The following ETFA variants were observed in gnomAD, a reference collection of about 807,000 sequenced individuals.
The protein encoded by ETFA is electron transfer flavoprotein subunit alpha, also known as electron transfer flavoprotein subunit alpha, mitochondrial.
A neutral mutation model predicts 46.2 loss-of-function variants in ETFA; 22 were observed. That is an observed-to-expected ratio of 0.48 (90% CI 0.34 to 0.68). The LOEUF (loss-of-function observed/expected upper bound fraction) is 0.68. Ranked by LOEUF, ETFA falls within the 30% of genes least tolerant of loss-of-function variation. The pLI, the probability that ETFA is intolerant of heterozygous loss-of-function variation, is 0.01. For synonymous variants in ETFA, 131 were observed against 139.9 expected, an observed-to-expected ratio of 0.94 and a Z score of 0.45; for missense variants, 345 against 401.1, an observed-to-expected ratio of 0.86 and a Z score of 1.19.
chr15:76,242,217 T>C (rs945549903), intron 9 of ETFA, among the ~76,000 whole-genome samples: 1 of 152,328 alleles, frequency 6.6e-6, no homozygotes, highest in Non-Finnish European at 1.5e-5. Context: ...ACGTAGAATT[T>C]TGGAGTTGTA....
At chr15:76,306,942 T>C (rs2039945774) in intron 1 of ETFA, among the ~76,000 whole-genome samples, 1 of 152,232 alleles carries the variant, frequency 6.6e-6, no homozygotes, top group African/African-American at 2.4e-5. Context: ...TCTTTCTTCT[T>C]TCAATAGAAA....
At chr15:76,263,383 A>G (rs2039437656) in intron 9 of ETFA, among the ~76,000 whole-genome samples, 1 of 152,236 alleles carries the variant, frequency 6.6e-6, no homozygotes, top group African/African-American at 2.4e-5. Context: ...AGAGCATGTG[A>G]AAGCGGAGGA....
chr15:76,272,984 C>T (rs1161392470), intron 9 of ETFA, among the ~76,000 whole-genome samples: 3 of 151,840 alleles, frequency 2.0e-5, no homozygotes, highest in Admixed American at 2.0e-4. Flanking sequence ...GTATTTTAAG[C>T]TTTAAATCTT....
chr15:76,283,842 A>C lies in ETFA; in HGVS notation c.665-17T>G, dbSNP rs1253129989. ...AGCCTCGACCTCATTTAAAAAGATG[A>C]AAAAAAAAAATTAGGCAAACATCAA... is the stretch of plus-strand genomic sequence containing the variant. On this transcript the variant is annotated splice_polypyrimidine_tract_variant and intron_variant, in intron 7 of 11. Coordinates refer to ENST00000557943, the MANE Select transcript of ETFA (RefSeq NM_000126.4). 1.7e-6 allele frequency: 2 copies of C among 1,180,566 alleles called. No individual in the cohort carries two copies. The highest frequency in any genetic ancestry group is 2.3e-6 in the Non-Finnish European group (2 of 857,314). The allele number at this position is 1,180,566 out of a possible 1,614,324, so 73.1% of individuals were successfully genotyped here.
intron 6 of ETFA, 137 bp downstream of exon 6, chr15:76,286,234 G>A (rs2039703410): frequency 1.6e-6 from 1 of 606,404 alleles, no homozygotes; most frequent in South Asian, 2.2e-5. Context: ...TTTTGTATAA[G>A]CTTGGGAATA....
chr15:76,242,066 A>G (rs2039197803), intron 9 of ETFA, among the ~76,000 whole-genome samples: 1 of 151,914 alleles, frequency 6.6e-6, no homozygotes. Context: ...CGATCTCTTG[A>G]CCTCGGGATC....
chr15:76,259,561 C>A lies in ETFA; in HGVS notation c.816+14851G>T, dbSNP rs2039381504. 11 of 1,054,888 alleles carry A rather than the reference C, an allele frequency of 1.0e-5. 1 individual carries two copies. In the South Asian group the frequency reaches 1.3e-4, roughly 12 times the overall value. The allele number at this position is 1,054,888 out of a possible 1,614,324, so 65.3% of individuals were successfully genotyped here. ...GTCATGATCTCCCACATGGTCACCC[C>A]GAAGGCCCACACATCACTGTGCACA... On this transcript the variant is annotated intron_variant, in intron 9 of 11. Transcript: ENST00000557943.
intron 10 of ETFA, among the ~76,000 whole-genome samples, chr15:76,226,962 A>G (rs1385657671): frequency 1.3e-5 from 2 of 152,206 alleles, no homozygotes; most frequent in Non-Finnish European, 2.9e-5. Context: ...ATGAAAGCTA[A>G]AGTATCTTGT....
intron 7 of ETFA, chr15:76,284,737 C>T (rs1010827580): frequency 3.5e-5 from 7 of 200,572 alleles, no homozygotes; most frequent in African/African-American, 1.7e-4. Flanking sequence ...GGTGATCCAC[C>T]CGCCTCGGCT....
At chr15:76,278,054 A>G (rs1339030763) in intron 8 of ETFA, among the ~76,000 whole-genome samples, 1 of 152,218 alleles carries the variant, frequency 6.6e-6, no homozygotes, top group Non-Finnish European at 1.5e-5. Context: ...TTGTTAGGAC[A>G]GAATAGTGAC....
At chr15:76,221,001 T>G (rs1315166837) in intron 11 of ETFA, among the ~76,000 whole-genome samples, 1 of 152,114 alleles carries the variant, frequency 6.6e-6, no homozygotes, top group Admixed American at 6.6e-5. Flanking sequence ...AATGAAAACA[T>G]AGGTCTGCAC....
chr15:76,272,369 T>C (rs1344526917), intron 9 of ETFA, among the ~76,000 whole-genome samples: 1 of 151,954 alleles, frequency 6.6e-6, no homozygotes, highest in Non-Finnish European at 1.5e-5. Context: ...TACAGGCACA[T>C]GCCACCACAC....
In ETFA at chr15:76,298,045, A is replaced by AT. The variant is rs776554589; in HGVS notation, c.40-2309dup. 7.5e-3 allele frequency among the ~76,000 whole-genome samples: 1,044 copies of AT among 138,744 alleles called. 3 individuals are homozygous for AT. The highest frequency in any genetic ancestry group is 0.011 in the Middle Eastern group (3 of 272). The allele number at this position is 138,744 out of a possible 152,430, so 91.0% of individuals were successfully genotyped here. On this transcript the variant is annotated intron_variant, in intron 1 of 11. Transcript: ENST00000557943. ...TTTAGGAGGATGAATCAGATTAGAGATTTTTTTTTTTTTTTGAGAGAGAGT... is the reference window on the plus strand; with the variant it reads ...TTTAGGAGGATGAATCAGATTAGAGATTTTTTTTTTTTTTTTGAGAGAGAGT...
At chr15:76,289,123 G>A (rs547176912) in intron 4 of ETFA, among the ~76,000 whole-genome samples, 218 of 151,936 alleles carry the variant, frequency 1.4e-3, no homozygotes, top group African/African-American at 4.8e-3. Flanking sequence ...CTGTAGAAGC[G>A]GGGTCTTGCG....
intron 2 of ETFA, among the ~76,000 whole-genome samples, chr15:76,294,738 A>G (rs758909619): frequency 4.6e-5 from 7 of 152,116 alleles, no homozygotes; most frequent in Non-Finnish European, 1.0e-4. Flanking sequence ...TAGTAGAGAC[A>G]GGATTTCACC....
chr15:76,269,510 T>C (rs1202680563), intron 9 of ETFA, among the ~76,000 whole-genome samples: 1 of 152,198 alleles, frequency 6.6e-6, no homozygotes, highest in Non-Finnish European at 1.5e-5. Context: ...GTTTCTTTGT[T>C]TGATCATCAA....
At position 76,311,368 on chromosome 15, in the gene ETFA, C is replaced by A; in HGVS notation, c.21G>T (p.Pro7=). Reference sequence around the variant, plus strand: ...GACTCACCGCCCGCCGGAGCTGCCCCGGAGCCGCCGCTCGGAACATGGTCT... The same window carrying A: ...GACTCACCGCCCGCCGGAGCTGCCCAGGAGCCGCCGCTCGGAACATGGTCT... MFRAAA[P]GQLRRAASLL... is the part of the protein sequence containing the mutation. The change falls in exon 1 of 12, where the codon CCG becomes CCT. Residue 7 remains proline, a synonymous_variant. Coordinates refer to ENST00000557943, the MANE Select transcript of ETFA (RefSeq NM_000126.4). The A allele has an allele frequency of 6.4e-7, 1 of 1,561,630 alleles. No individual in the cohort carries two copies. Among genetic ancestry groups the A allele is most frequent in the East Asian group, 2.4e-5 (1 of 42,056 alleles).
intron 9 of ETFA, among the ~76,000 whole-genome samples, chr15:76,264,704 G>A (rs947407313): frequency 6.6e-6 from 1 of 152,218 alleles, no homozygotes; most frequent in African/African-American, 2.4e-5. Context: ...AATATATTAA[G>A]GCTTGTGATG....
At position 76,283,858 on chromosome 15, in the gene ETFA, C is replaced by T. The variant is rs376675354; in HGVS notation, c.665-33G>A. The stretch of plus-strand genomic sequence containing the variant: ...AAAAAGATGAAAAAAAAAAATTAGG[C>T]AAACATCAAATACATTCTGGAACAA... On this transcript the variant is annotated intron_variant, in intron 7 of 11. Transcript: ENST00000557943. 4.1e-6 allele frequency: 6 copies of T among 1,465,182 alleles called. No homozygotes were observed. The African/African-American group carries it at 8.3e-5, about 20-fold the overall frequency. The allele number at this position is 1,465,182 out of a possible 1,614,324, so 90.8% of individuals were successfully genotyped here.
Sources: gnomAD v4.1 joint callset for allele counts (sites outside exome capture counted in the v4.1 genomes callset) on GRCh38, gnomAD v4.1.1 for gene constraint, MANE v1.5 for transcripts, NCBI Gene and HGNC (gene_info 2026-07-23, HGNC 2026-07-21) for gene names.